Variants in KIAA1217 observed in about 807,000 individuals in gnomAD.
KIAA1217 encodes sickle tail protein homolog.
Under a neutral mutation model 163.9 loss-of-function variants are expected in KIAA1217, and 88 were observed. That is an observed-to-expected ratio of 0.54 (90% CI 0.45 to 0.64). The LOEUF (loss-of-function observed/expected upper bound fraction) is 0.64. Ranked by LOEUF, KIAA1217 falls within the 30% of genes least tolerant of loss-of-function variation. The pLI, the probability that KIAA1217 is intolerant of heterozygous loss-of-function variation, is 0.00. For synonymous variants in KIAA1217, 903 were observed against 923.1 expected, an observed-to-expected ratio of 0.98 and a Z score of 0.39; for missense variants, 2,372 against 2,475.0, an observed-to-expected ratio of 0.96 and a Z score of 0.88.
At chr10:23,749,089 A>T (rs1250015087) in intron 1 of KIAA1217, among the ~76,000 whole-genome samples, 2 of 152,174 alleles carry the variant, frequency 1.3e-5, no homozygotes, top group Non-Finnish European at 1.5e-5. Flanking sequence ...ATTAGTGTTC[A>T]TAAAAATGTT....
intron 12 of KIAA1217, among the ~76,000 whole-genome samples, chr10:24,523,968 G>A (rs2071704523): frequency 6.6e-6 from 1 of 152,166 alleles, no homozygotes; most frequent in Non-Finnish European, 1.5e-5. Context: ...TAGAATGTGG[G>A]CGGCCCACCC....
chr10:24,473,129 G>A, intron 5 of KIAA1217, 99 bp from the exon 6 acceptor site: 1 of 783,924 alleles, frequency 1.3e-6, no homozygotes, highest in African/African-American at 1.7e-5. Context: ...GGATGAGGGT[G>A]TATACATCTT....
chr10:24,535,135 C>A (rs1200303602), intron 16 of KIAA1217, among the ~76,000 whole-genome samples: 1 of 152,218 alleles, frequency 6.6e-6, no homozygotes, highest in Non-Finnish European at 1.5e-5. Context: ...GAAGAAAACA[C>A]AGGCTCTGAA....
intron 1 of KIAA1217, among the ~76,000 whole-genome samples, chr10:23,829,992 T>C (rs570694167): frequency 5.3e-5 from 8 of 152,222 alleles, no homozygotes; most frequent in Non-Finnish European, 8.8e-5. Flanking sequence ...TGTTTGTTTC[T>C]GAATGGCTGC....
chr10:24,100,360 G>A (rs2062364226), intron 2 of KIAA1217, among the ~76,000 whole-genome samples: 1 of 152,190 alleles, frequency 6.6e-6, no homozygotes, highest in Admixed American at 6.5e-5. Context: ...CTGTGACTCG[G>A]TATGAAGCCC....
chr10:23,779,074 T>C (rs1299090461), intron 1 of KIAA1217, among the ~76,000 whole-genome samples: 1 of 152,214 alleles, frequency 6.6e-6, no homozygotes, highest in Non-Finnish European at 1.5e-5. Flanking sequence ...AATGTTTTTA[T>C]AAGATAACTT....
At chr10:24,251,958 G>T (rs2074598544) in intron 2 of KIAA1217, among the ~76,000 whole-genome samples, 1 of 151,326 alleles carries the variant, frequency 6.6e-6, no homozygotes, top group South Asian at 2.1e-4. Flanking sequence ...ACTTAACCCA[G>T]CACCTGGCAT....
chr10:23,727,789 C>T (rs968992912), intron 1 of KIAA1217, among the ~76,000 whole-genome samples: 1 of 152,108 alleles, frequency 6.6e-6, no homozygotes, highest in Non-Finnish European at 1.5e-5. Context: ...GATGCTATCC[C>T]TCCTCTAGAC....
chr10:24,342,889 C>G lies in KIAA1217; in HGVS notation c.355-37980C>G, dbSNP rs146130514. Among the ~76,000 whole-genome samples, 938 of 152,160 alleles carry G rather than the reference C, an allele frequency of 6.2e-3. 7 individuals are homozygous for G. The highest frequency in any genetic ancestry group is 0.017 in the Middle Eastern group (5 of 294). On this transcript the variant is annotated intron_variant, in intron 2 of 20. Coordinates refer to ENST00000376454, the MANE Select transcript of KIAA1217 (RefSeq NM_019590.5). ...GCCAGGCTGGTCTCGAACTCCTAAC[C>G]TCGGGGATCCGCCGACCTCTGCCTC...
intron 1 of KIAA1217, among the ~76,000 whole-genome samples, chr10:23,918,915 A>G (rs938957055): frequency 6.6e-6 from 1 of 152,096 alleles, no homozygotes; most frequent in South Asian, 2.1e-4. Flanking sequence ...GCCTAATTAG[A>G]TGTCTCCCCA....
Position 24,122,710 on chromosome 10 carries a change from C to T in KIAA1217, c.-170-96916C>T, listed in dbSNP as rs12257348. Reference sequence around the variant, plus strand: ...AAATGATTTATGAAACTTCACTAATCAGCTGCAGAGCTAGAATGAGAATTC... The same window carrying T: ...AAATGATTTATGAAACTTCACTAATTAGCTGCAGAGCTAGAATGAGAATTC... On this transcript the variant is annotated intron_variant, in intron 2 of 18. Transcript: ENST00000376462. 3.4e-3 allele frequency among the ~76,000 whole-genome samples: 519 copies of T among 152,174 alleles called. 2 individuals are homozygous for T. Among genetic ancestry groups the T allele is most frequent in the African/African-American group, 0.012 (493 of 41,524 alleles).
intron 1 of KIAA1217, among the ~76,000 whole-genome samples, chr10:23,701,474 C>G (rs761473620): frequency 1.6e-4 from 25 of 152,138 alleles, no homozygotes; most frequent in Non-Finnish European, 3.1e-4. Flanking sequence ...TTTTTCACAA[C>G]TTTCCTGTCT....
At chr10:23,852,066 G>A (rs1839370334) in intron 1 of KIAA1217, among the ~76,000 whole-genome samples, 1 of 152,092 alleles carries the variant, frequency 6.6e-6, no homozygotes, top group Admixed American at 6.6e-5. Flanking sequence ...TCCTTTTGGT[G>A]TTTTAGACAT....
intron 2 of KIAA1217, among the ~76,000 whole-genome samples, chr10:24,319,687 C>A (rs1293331286): frequency 6.6e-6 from 1 of 152,192 alleles, no homozygotes; most frequent in Non-Finnish European, 1.5e-5. Context: ...GCCTTGAAGA[C>A]CACCCCAGGG....
chr10:23,981,449 A>G (rs867819504), intron 1 of KIAA1217, among the ~76,000 whole-genome samples: 1 of 152,240 alleles, frequency 6.6e-6, no homozygotes, highest in African/African-American at 2.4e-5. Flanking sequence ...TATTTTTAAC[A>G]TAAAGAAGCT....
intron 2 of KIAA1217, 141 bp from the exon 3 acceptor site, chr10:24,380,728 G>A: frequency 2.0e-6 from 1 of 507,310 alleles, no homozygotes; most frequent in Middle Eastern, 5.4e-4. Flanking sequence ...TGGGTCTTTA[G>A]TTTTCCCTAT....
chr10:24,082,561 C>G (rs916691382), intron 2 of KIAA1217, among the ~76,000 whole-genome samples: 1 of 152,178 alleles, frequency 6.6e-6, no homozygotes, highest in African/African-American at 2.4e-5. Flanking sequence ...TGTGTCCATG[C>G]AGAGGACATG....
intron 2 of KIAA1217, among the ~76,000 whole-genome samples, chr10:24,363,558 TTTG>T (rs2050309361): frequency 4.1e-5 from 3 of 73,856 alleles, no homozygotes; most frequent in Non-Finnish European, 3.2e-5. Flanking sequence ...TTTTGTGGGT[TTTG>T]TTTTTGTTTT....
chr10:24,048,055 C>A (rs1047633199), intron 2 of KIAA1217, among the ~76,000 whole-genome samples: 2 of 152,180 alleles, frequency 1.3e-5, no homozygotes, highest in African/African-American at 4.8e-5. Flanking sequence ...CTTTCTTTAT[C>A]TGACTGCCTT....
Sources: gnomAD v4.1 joint callset for allele counts (sites outside exome capture counted in the v4.1 genomes callset) on GRCh38, gnomAD v4.1.1 for gene constraint, MANE v1.5 for transcripts, NCBI Gene and HGNC (gene_info 2026-07-23, HGNC 2026-07-21) for gene names.